Variants in ZC3H6 observed in about 807,000 individuals in gnomAD.
The protein encoded by ZC3H6 is zinc finger CCCH domain-containing protein 6.
Under a neutral mutation model 107.7 loss-of-function variants are expected in ZC3H6, and 40 were observed. That is an observed-to-expected ratio of 0.37 (90% confidence interval 0.29 to 0.48). The LOEUF (loss-of-function observed/expected upper bound fraction) is 0.48. ZC3H6 is among the 20% of genes least tolerant of loss of function. ZC3H6 has a pLI of 0.98. For synonymous variants in ZC3H6, 493 were observed against 487.9 expected (o/e 1.01, Z -0.14); for missense variants, 1,267 against 1,410.4 (o/e 0.90, Z 1.63).
intron 11 of ZC3H6, among the ~76,000 whole-genome samples, chr2:112,326,042 A>T (rs1455817190): frequency 2.0e-5 from 3 of 151,988 alleles, no homozygotes; most frequent in Non-Finnish European, 4.4e-5. Flanking sequence ...TTATATGAGC[A>T]TTTAAAATAT....
chr2:112,287,898 G>A (rs532881138), intron 1 of ZC3H6, among the ~76,000 whole-genome samples: 5 of 152,322 alleles, frequency 3.3e-5, no homozygotes, highest in African/African-American at 1.2e-4. Context: ...CACCGCCCCC[G>A]GCCGTTGGAA....
chr2:112,317,182 C>A, intron 6 of ZC3H6, 39 bp from the exon 7 acceptor site: 1 of 1,150,168 alleles, frequency 8.7e-7, no homozygotes, highest in Non-Finnish European at 1.2e-6. Flanking sequence ...TTGTTTCTTA[C>A]CTTTTTTTCT....
intron 1 of ZC3H6, among the ~76,000 whole-genome samples, chr2:112,293,286 A>C (rs1676156487): frequency 6.6e-6 from 1 of 152,238 alleles, no homozygotes; most frequent in African/African-American, 2.4e-5. Context: ...GCTTTGAGAA[A>C]TTCTAAGACT....
Position 112,332,643 on chromosome 2 carries a change from C to A in ZC3H6, c.*155C>A. 1 of 610,834 alleles carries A rather than the reference C, an allele frequency of 1.6e-6. No individual in the cohort carries two copies. The highest frequency in any genetic ancestry group is 2.6e-6 in the Non-Finnish European group (1 of 389,356). The allele number at this position is 610,834 out of a possible 1,614,324, so 37.8% of individuals were successfully genotyped here. A position where few individuals can be genotyped will look rare whatever the true frequency, so the allele number is the denominator to read the frequency against. On this transcript the variant is annotated 3_prime_UTR_variant, in exon 12 of 12. Transcript: ENST00000409871. ...CCACATGAAGTTATAGCCTCTAAAGCCTGTGGTATTTTATATAATATTTTT... is the reference window on the plus strand; with the variant it reads ...CCACATGAAGTTATAGCCTCTAAAGACTGTGGTATTTTATATAATATTTTT...
rs1208227146 is a variant in ZC3H6 at position 112,337,414 on chromosome 2, C to G, written c.*4926C>G. 6.6e-6 allele frequency: 1 copy of G among 151,812 alleles called. No individual in the cohort carries two copies. The highest frequency in any genetic ancestry group is 1.9e-4 in the East Asian group (1 of 5,168). 9.4% of individuals were successfully genotyped at this position (151,812 alleles called of 1,614,324 possible). A position where few individuals can be genotyped will look rare whatever the true frequency, so the allele number is the denominator to read the frequency against. ...CTCGGATCACTGCAACCTCTGCCTC[C>G]CAGGTTCAAGTGATTCTCCTGCCTC... On this transcript the variant is annotated 3_prime_UTR_variant, in exon 12 of 12. Transcript: ENST00000409871.
chr2:112,311,758 G>A (rs1440727750), intron 4 of ZC3H6, 46 bp from the exon 5 acceptor site: 1 of 1,517,838 alleles, frequency 6.6e-7, no homozygotes, highest in South Asian at 1.2e-5. Flanking sequence ...AAATTGAAAG[G>A]TATGCTGTTT....
At chr2:112,292,833 G>A (rs1676147165) in intron 1 of ZC3H6, among the ~76,000 whole-genome samples, 1 of 152,108 alleles carries the variant, frequency 6.6e-6, no homozygotes, top group African/African-American at 2.4e-5. Context: ...TTCAAGTTTT[G>A]TAACCCCCAT....
chr2:112,291,591 A>C (rs552413139), intron 1 of ZC3H6, among the ~76,000 whole-genome samples: 4 of 152,234 alleles, frequency 2.6e-5, no homozygotes, highest in African/African-American at 4.8e-5. Flanking sequence ...CCAGAGCTTA[A>C]ATAAATAAAT....
intron 7 of ZC3H6, among the ~76,000 whole-genome samples, chr2:112,320,359 G>A (rs550495134): frequency 1.3e-5 from 2 of 152,252 alleles, no homozygotes; most frequent in African/African-American, 4.8e-5. Context: ...CCTTTATTCA[G>A]ATGATTAACT....
intron 1 of ZC3H6, among the ~76,000 whole-genome samples, chr2:112,283,472 A>G (rs901089542): frequency 6.6e-6 from 1 of 152,232 alleles, no homozygotes; most frequent in African/African-American, 2.4e-5. Context: ...ATTAAAAGTA[A>G]ACATAAAACT....
chr2:112,293,874 A>G (rs1475683538), intron 1 of ZC3H6, among the ~76,000 whole-genome samples: 1 of 152,214 alleles, frequency 6.6e-6, no homozygotes. Flanking sequence ...CCTCATCCGC[A>G]GGGTAACACT....
chr2:112,291,473 A>G (rs1322250279), intron 1 of ZC3H6, among the ~76,000 whole-genome samples: 4 of 152,202 alleles, frequency 2.6e-5, no homozygotes, highest in Admixed American at 2.0e-4. Context: ...ACCTCAGGTA[A>G]TCCGTCCGCC....
At chr2:112,321,909 C>G in intron 8 of ZC3H6, 44 bp downstream of exon 8, 1 of 867,798 alleles carries the variant, frequency 1.2e-6, no homozygotes, top group Middle Eastern at 2.6e-4. Flanking sequence ...TCCACAAATA[C>G]ATTTGACTTG....
intron 8 of ZC3H6, among the ~76,000 whole-genome samples, chr2:112,322,182 T>A (rs1314384864): frequency 6.6e-6 from 1 of 150,890 alleles, no homozygotes; most frequent in Non-Finnish European, 1.5e-5. Flanking sequence ...TGCTTGCTTT[T>A]TCTTTCTTAT....
rs1247009917 is a variant in ZC3H6, at chr2:112,289,045, TTTTTTTTC to T, written c.33-10796_33-10789del. ...TTTGATGAGCTGAACTGAACCACTC[TTTTTTTTC>T]TTTTTTTTCTTTTTTTTTTTTGAGA... On this transcript the variant is annotated intron_variant, in intron 1 of 11. Coordinates refer to ENST00000409871, the MANE Select transcript of ZC3H6 (RefSeq NM_198581.3). 1.8e-4 allele frequency among the ~76,000 whole-genome samples: 11 copies of T among 59,552 alleles called. No individual in the cohort carries two copies. In the East Asian group the frequency reaches 2.6e-3, roughly 14 times the overall value. The allele number at this position is 59,552 out of a possible 152,430, so 39.1% of individuals were successfully genotyped here.
intron 3 of ZC3H6, among the ~76,000 whole-genome samples, chr2:112,308,768 A>C (rs1676539581): frequency 6.7e-6 from 1 of 148,412 alleles, no homozygotes. Context: ...AAATGCACTA[A>C]CCTGGCCAGG....
At chr2:112,284,271 A>G (rs529420221) in intron 1 of ZC3H6, among the ~76,000 whole-genome samples, 159 of 152,366 alleles carry the variant, frequency 1.0e-3, no homozygotes, top group African/African-American at 3.7e-3. Context: ...ATTTTATATA[A>G]GCACATGAAA....
intron 1 of ZC3H6, among the ~76,000 whole-genome samples, chr2:112,294,366 G>C (rs2104701824): frequency 6.6e-6 from 1 of 152,342 alleles, no homozygotes; most frequent in South Asian, 2.1e-4. Flanking sequence ...ATTTTGTTCT[G>C]TTGGTCTTAG....
At chr2:112,324,131 T>C in intron 9 of ZC3H6, 21 bp from the exon 10 acceptor site, 1 of 1,531,422 alleles carries the variant, frequency 6.5e-7, no homozygotes, top group Non-Finnish European at 8.8e-7. Flanking sequence ...AACTAAGAAA[T>C]ATTATTATTT....
Sources: allele counts gnomAD v4.1 joint callset (sites outside exome capture counted in the v4.1 genomes callset), GRCh38; gene constraint gnomAD v4.1.1; transcripts MANE v1.5; gene names NCBI Gene and HGNC (gene_info 2026-07-23, HGNC 2026-07-21).